Variants in PAX7 observed in about 807,000 individuals in gnomAD.
PAX7 encodes paired box protein Pax-7.
In PAX7, 18 loss-of-function variants were observed where a neutral mutation model predicts 50.7. That is an observed-to-expected ratio of 0.36 (90% confidence interval 0.25 to 0.53). PAX7 has a LOEUF of 0.53. Ranked by LOEUF, PAX7 falls within the 20% of genes least tolerant of loss-of-function variation. PAX7 has a pLI of 0.93. For missense variants in PAX7, 644 were observed against 702.9 expected (o/e 0.92, Z 0.95); for synonymous variants, 310 against 290.4 (o/e 1.07, Z -0.69).
rs1931416380 is a variant in PAX7, at chr1:18,745,800, A to T, written c.*871A>T. Reference sequence around the variant, plus strand: ...ACAGAACTTTTCAGTTTCCTTCATTAGCTGAATCAGATGAGATGGGGAGGG... The same window carrying T: ...ACAGAACTTTTCAGTTTCCTTCATTTGCTGAATCAGATGAGATGGGGAGGG... On this transcript the variant is annotated 3_prime_UTR_variant, in exon 9 of 9. Transcript: ENST00000420770. 4.3e-6 allele frequency: 1 copy of T among 232,036 alleles called. No individual in the cohort carries two copies. The highest frequency in any genetic ancestry group is 1.8e-4 in the South Asian group (1 of 5,524). 14.4% of individuals were successfully genotyped at this position (232,036 alleles called of 1,614,324 possible). A position where few individuals can be genotyped will look rare whatever the true frequency, so the allele number is the denominator to read the frequency against.
At position 18,735,888 on chromosome 1, in the gene PAX7, T is replaced by C. The variant is rs1317141704; in HGVS notation, c.1402+10T>C. ...GGCCAGTACGGCCAGAGTGAGTGCCTGGTGCCCTGGGCGTCCCCCGTCCCC... is the reference window on the plus strand; with the variant it reads ...GGCCAGTACGGCCAGAGTGAGTGCCCGGTGCCCTGGGCGTCCCCCGTCCCC... On this transcript the variant is annotated intron_variant, in intron 8 of 8. Transcript: ENST00000420770. This position sits in a 1 kb window ranked among gnomAD's most constrained non-coding sequence, Gnocchi z 4.0. 6.2e-7 allele frequency: 1 copy of C among 1,613,936 alleles called. No individual in the cohort carries two copies.
intron 6 of PAX7, among the ~76,000 whole-genome samples, chr1:18,701,972 A>G (rs2089228127): frequency 6.6e-6 from 1 of 152,060 alleles, no homozygotes; most frequent in Non-Finnish European, 1.5e-5. Flanking sequence ...ACCTCACCGG[A>G]ACTTGCTCTC....
intron 4 of PAX7, among the ~76,000 whole-genome samples, chr1:18,683,411 A>AT (rs1458051367): frequency 6.6e-6 from 1 of 152,202 alleles, no homozygotes; most frequent in Non-Finnish European, 1.5e-5. Flanking sequence ...ATACCAAGTC[A>AT]TTTTATCATC....
chr1:18,641,305 G>C (rs970841435), intron 4 of PAX7, among the ~76,000 whole-genome samples: 3 of 152,234 alleles, frequency 2.0e-5, no homozygotes, highest in African/African-American at 7.2e-5. Context: ...CCCAGAGAGC[G>C]GGGGAAGCCG....
At chr1:18,670,890 A>G (rs1246655173) in intron 4 of PAX7, among the ~76,000 whole-genome samples, 1 of 152,020 alleles carries the variant, frequency 6.6e-6, no homozygotes, top group Non-Finnish European at 1.5e-5. Context: ...TTTATAATTT[A>G]CTCTCTGACA....
chr1:18,653,311 T>C (rs1211331391), intron 4 of PAX7, among the ~76,000 whole-genome samples: 6 of 152,176 alleles, frequency 3.9e-5, no homozygotes. Context: ...AAGATAAATA[T>C]TGCAATCCTG....
intron 4 of PAX7, among the ~76,000 whole-genome samples, chr1:18,689,819 T>C (rs1381025497): frequency 6.6e-6 from 1 of 152,240 alleles, no homozygotes; most frequent in Non-Finnish European, 1.5e-5. Context: ...TGCAGTGCCC[T>C]TCCCTTCACC....
intron 7 of PAX7, among the ~76,000 whole-genome samples, chr1:18,715,958 A>G (rs1449024046): frequency 6.6e-6 from 1 of 151,776 alleles, no homozygotes; most frequent in Non-Finnish European, 1.5e-5. Flanking sequence ...TCTTCTTTCC[A>G]TCAGCCTTTT....
rs1483461549 is a variant in PAX7, at chr1:18,748,365, C to T, written c.*3436C>T. The T allele has an allele frequency of 8.7e-6, 2 of 230,188 alleles. No individual in the cohort carries two copies. The highest frequency in any genetic ancestry group is 1.7e-5 in the Non-Finnish European group (2 of 116,214). The allele number at this position is 230,188 out of a possible 1,614,324, so 14.3% of individuals were successfully genotyped here. ...TCAGGCTGATGTTCTTCTCATCAAG[C>T]TCCCGAATGTGTCTCGCACTATTGG... On this transcript the variant is annotated 3_prime_UTR_variant, in exon 9 of 9. Coordinates refer to ENST00000420770, the MANE Select transcript of PAX7 (RefSeq NM_001135254.2).
chr1:18,689,707 G>C (rs1323365494), intron 4 of PAX7, among the ~76,000 whole-genome samples: 1 of 152,210 alleles, frequency 6.6e-6, no homozygotes, highest in Non-Finnish European at 1.5e-5. Flanking sequence ...ACACATCCGG[G>C]CCATACCCAC....
intron 3 of PAX7, 104 bp downstream of exon 3, chr1:18,635,344 G>A: frequency 2.2e-6 from 3 of 1,361,186 alleles, no homozygotes; most frequent in Middle Eastern, 2.5e-4. Context: ...ATGGCTGACT[G>A]TGAACTTACT....
intron 6 of PAX7, among the ~76,000 whole-genome samples, chr1:18,701,245 C>T (rs922627431): frequency 6.6e-6 from 1 of 152,168 alleles, no homozygotes; most frequent in Non-Finnish European, 1.5e-5. Flanking sequence ...TCTGCAGGGA[C>T]TTTGGGACCA....
intron 7 of PAX7, among the ~76,000 whole-genome samples, chr1:18,729,993 C>T (rs909832535): frequency 6.6e-6 from 1 of 152,142 alleles, no homozygotes; most frequent in African/African-American, 2.4e-5. Context: ...CTTCCAAGTG[C>T]TCATTTCCAT....
chr1:18,708,885 A>G (rs1383207130), intron 7 of PAX7, among the ~76,000 whole-genome samples: 4 of 152,178 alleles, frequency 2.6e-5, no homozygotes, highest in Non-Finnish European at 1.5e-5. Context: ...CAGAGCTCCA[A>G]GAGACAGGTG....
chr1:18,703,543 G>C (rs2089249870), intron 7 of PAX7, among the ~76,000 whole-genome samples: 1 of 152,214 alleles, frequency 6.6e-6, no homozygotes, highest in South Asian at 2.1e-4. Context: ...GGGGTTCTGG[G>C]CCGGTAACTC....
rs150928088 is a variant in PAX7, at chr1:18,718,706, G to C, written c.1155+15410G>C. Among the ~76,000 whole-genome samples the C allele has an allele frequency of 5.5e-3, 825 of 151,220 alleles. 9 individuals carry two copies. Among genetic ancestry groups the C allele is most frequent in the African/African-American group, 0.018 (741 of 41,188 alleles). Reference sequence around the variant, plus strand: ...TCGCCAGGCTGGAGTTCAGTGGCTCGATCTCAGCTCACTGCAACCTCCGCC... The same window carrying C: ...TCGCCAGGCTGGAGTTCAGTGGCTCCATCTCAGCTCACTGCAACCTCCGCC... On this transcript the variant is annotated intron_variant, in intron 7 of 8. Coordinates refer to ENST00000420770, the MANE Select transcript of PAX7 (RefSeq NM_001135254.2).
intron 5 of PAX7, among the ~76,000 whole-genome samples, chr1:18,697,400 C>T (rs768677543): frequency 1.8e-4 from 28 of 152,198 alleles, no homozygotes; most frequent in Non-Finnish European, 3.1e-4. Context: ...GCTCAGCTAT[C>T]TCAGAGGGTC....
intron 5 of PAX7, among the ~76,000 whole-genome samples, chr1:18,693,465 C>T (rs986691583): frequency 1.3e-5 from 2 of 152,194 alleles, no homozygotes; most frequent in Non-Finnish European, 2.9e-5. Flanking sequence ...GCAAAAACCA[C>T]GTCCTTTCCA....
In PAX7 at chr1:18,745,563, A is replaced by T. The variant is rs1931405235; in HGVS notation, c.*634A>T. The T allele has an allele frequency of 4.3e-6, 1 of 230,908 alleles. No homozygotes were observed. Among genetic ancestry groups the T allele is most frequent in the East Asian group, 6.1e-5 (1 of 16,266 alleles). The allele number at this position is 230,908 out of a possible 1,614,324, so 14.3% of individuals were successfully genotyped here. ...TTCAGAACCCTCCCCAGACACCTCT[A>T]CTGGGTGCATGGGGAAATCTAGCAC... On this transcript the variant is annotated 3_prime_UTR_variant, in exon 9 of 9. Transcript: ENST00000420770.
Sources: gnomAD v4.1 joint callset for allele counts (sites outside exome capture counted in the v4.1 genomes callset) on GRCh38, gnomAD v4.1.1 for gene constraint, Gnocchi (gnomAD v3.1) non-coding constraint, MANE v1.5 for transcripts, NCBI Gene and HGNC (gene_info 2026-07-23, HGNC 2026-07-21) for gene names.